The following ZZEF1 variants were observed in gnomAD, a reference collection of about 807,000 sequenced individuals.
ZZEF1 encodes the protein zinc finger ZZ-type and EF-hand domain containing 1, also known as zinc finger ZZ-type and EF-hand domain-containing protein 1.
ZZEF1 carries 157 observed loss-of-function variants against 342.8 expected under a neutral mutation model. The ratio of observed to expected loss-of-function variants is 0.46; its 90% CI spans 0.40 to 0.52. The LOEUF (loss-of-function observed/expected upper bound fraction) is 0.52, where lower values mean the gene tolerates loss of function less well. ZZEF1 is among the 20% of genes least tolerant of loss of function. ZZEF1 has a pLI of 0.00. For missense variants in ZZEF1, 3,480 were observed against 3,725.6 expected (o/e 0.93, Z 1.72); for synonymous variants, 1,505 against 1,429.1 (o/e 1.05, Z -1.20).
chr17:4,056,263 C>A lies in ZZEF1; in HGVS notation c.5248G>T (p.Ala1750Ser). 6.3e-7 allele frequency: 1 copy of A among 1,594,680 alleles called. No individual in the cohort carries two copies. Among genetic ancestry groups the A allele is most frequent in the South Asian group, 1.2e-5 (1 of 86,280 alleles). Residue 1750 changes from alanine (A) to serine (S), a missense_variant, in exon 33 of 55, where the codon GCC becomes TCC. Around this residue, in one of 5 missense-constraint regions of ZZEF1, gnomAD observed 175 missense variants for 254.6 expected, o/e 0.69. Transcript: ENST00000381638. ...MDECQDGMFE[A>S]WYEKIAQEDP... ...TCCTGGGCTATTTTTTCATACCAGG[C>A]CTCAAACATGCCATCCTGACACTCA...
intron 52 of ZZEF1, among the ~76,000 whole-genome samples, chr17:4,010,881 C>T (rs1441904860): frequency 6.6e-6 from 1 of 152,026 alleles, no homozygotes; most frequent in Non-Finnish European, 1.5e-5. Flanking sequence ...GCAGTTGACC[C>T]TATCAGCTTT....
intron 46 of ZZEF1, among the ~76,000 whole-genome samples, chr17:4,019,149 C>T (rs2056196833): frequency 6.6e-6 from 1 of 151,798 alleles, no homozygotes; most frequent in African/African-American, 2.4e-5. Context: ...ACACGAAACA[C>T]AAAATAAAAG....
intron 19 of ZZEF1, 63 bp downstream of exon 19, chr17:4,077,820 G>C (rs1567820580): frequency 2.2e-5 from 34 of 1,560,330 alleles, no homozygotes; most frequent in Non-Finnish European, 2.1e-5. Context: ...TACTAAAGAA[G>C]AGAACACTCA....
intron 28 of ZZEF1, among the ~76,000 whole-genome samples, chr17:4,065,375 C>T (rs931778456): frequency 1.3e-5 from 2 of 148,574 alleles, no homozygotes; most frequent in South Asian, 2.1e-4. Flanking sequence ...CCAGCTTGGG[C>T]GAAAGAGTGA....
chr17:4,139,622 T>A (rs752765971), intron 1 of ZZEF1, among the ~76,000 whole-genome samples: 1 of 152,252 alleles, frequency 6.6e-6, no homozygotes, highest in Non-Finnish European at 1.5e-5. Flanking sequence ...ATCAAATGCA[T>A]GGCTAAATCT....
Position 4,095,956 on chromosome 17 carries a change from G to C in ZZEF1, c.1788C>G (p.Ala596=). The part of the protein sequence containing the change: ...RIMVRRGGIG[A]QCGLVFAYNS... The stretch of plus-strand genomic sequence containing the variant: ...TATAGGCAAACACCAACCCACACTG[G>C]GCACCAATGCCACCACGTCGAACCT... The change falls in exon 11 of 55, where the codon GCC becomes GCG. Residue 596 remains alanine, a synonymous_variant. Coordinates refer to ENST00000381638, the MANE Select transcript of ZZEF1 (RefSeq NM_015113.4). 1 of 1,610,638 alleles carries C rather than the reference G, an allele frequency of 6.2e-7. No individual in the cohort carries two copies. The highest frequency in any genetic ancestry group is 8.5e-7 in the Non-Finnish European group (1 of 1,177,872).
chr17:4,098,955 G>A lies in ZZEF1; in HGVS notation c.1673-2255C>T, dbSNP rs550004985. Among the ~76,000 whole-genome samples, 77 of 152,288 alleles carry A rather than the reference G, an allele frequency of 5.1e-4. 1 individual carries two copies. The highest frequency in any genetic ancestry group is 1.7e-3 in the African/African-American group (71 of 41,568). ...CTTACCTTTTCCCAGAGCCCTGGAT[G>A]TCTCTATGTAAAAGAAATCTATGTA... is the stretch of plus-strand genomic sequence containing the variant. On this transcript the variant is annotated intron_variant, in intron 9 of 54. Transcript: ENST00000381638.
intron 37 of ZZEF1, among the ~76,000 whole-genome samples, chr17:4,049,035 T>C (rs2056989162): frequency 6.6e-6 from 1 of 151,612 alleles, no homozygotes; most frequent in African/African-American, 2.4e-5. Flanking sequence ...AGGTGCACAA[T>C]CTTGTTTAAT....
chr17:4,105,763 T>C lies in ZZEF1; in HGVS notation c.1324A>G (p.Thr442Ala), dbSNP rs187651027. ...GGGGAGAGGAAAGTTGAGAAATCTG[T>C]AGATCCTGGTGAGAGAGAGAGTGGA... is the stretch of plus-strand genomic sequence containing the variant. Reference protein sequence around the residue: ...MPPLSLSPGSTDFSTFLSPNV... With the variant: ...MPPLSLSPGSADFSTFLSPNV... Residue 442 changes from threonine (T) to alanine (A), a missense_variant, in exon 7 of 55, where the codon ACA (threonine) becomes GCA (alanine). Around this residue, in one of 5 missense-constraint regions of ZZEF1, gnomAD observed 1,528 missense variants for 1,624.1 expected, o/e 0.94. Transcript: ENST00000381638. The C allele has an allele frequency of 4.6e-5, 74 of 1,613,472 alleles. No homozygotes were observed. The East Asian group carries it at 1.6e-3, about 34-fold the overall frequency.
At chr17:4,034,357 A>G (rs1201201482) in intron 39 of ZZEF1, 65 bp from the exon 40 acceptor site, 9 of 1,552,932 alleles carry the variant, frequency 5.8e-6, no homozygotes, top group African/African-American at 2.7e-5. Context: ...GCTAAATATT[A>G]TATCTCCCTC....
At chr17:4,091,981 C>T (rs541914948) in intron 11 of ZZEF1, among the ~76,000 whole-genome samples, 73 of 151,242 alleles carry the variant, frequency 4.8e-4, no homozygotes, top group South Asian at 1.5e-3. Context: ...GAGGCTCAGG[C>T]AGGGGAATTG....
chr17:4,018,650 C>T (rs1053179916), intron 46 of ZZEF1, among the ~76,000 whole-genome samples: 2 of 152,122 alleles, frequency 1.3e-5, no homozygotes, highest in Non-Finnish European at 2.9e-5. Context: ...AACAGGTGGA[C>T]GACTCTGGCC....
At chr17:4,011,895 T>C (rs890776599) in intron 52 of ZZEF1, among the ~76,000 whole-genome samples, 6 of 152,022 alleles carry the variant, frequency 3.9e-5, no homozygotes, top group Admixed American at 3.3e-4. Flanking sequence ...GCTGAGAAGG[T>C]CCCTCCCCTG....
intron 42 of ZZEF1, among the ~76,000 whole-genome samples, chr17:4,028,149 T>C (rs907822271): frequency 6.6e-6 from 1 of 152,208 alleles, no homozygotes; most frequent in African/African-American, 2.4e-5. Flanking sequence ...ATTTCACATA[T>C]AGTGTCAGAA....
intron 37 of ZZEF1, among the ~76,000 whole-genome samples, chr17:4,046,879 C>T (rs141220792): frequency 1.6e-4 from 24 of 152,202 alleles, no homozygotes; most frequent in South Asian, 1.0e-3. Flanking sequence ...AGTCATTGGA[C>T]GGAGAAAAGG....
At chr17:4,132,864 A>G (rs112549919) in intron 1 of ZZEF1, among the ~76,000 whole-genome samples, 154 of 150,378 alleles carry the variant, frequency 1.0e-3, no homozygotes, top group Middle Eastern at 3.4e-3. Context: ...TACTCGGGAG[A>G]CTGAGGCAGG....
At chr17:4,068,699 A>G (rs2057451302) in intron 26 of ZZEF1, among the ~76,000 whole-genome samples, 1 of 152,124 alleles carries the variant, frequency 6.6e-6, no homozygotes, top group Non-Finnish European at 1.5e-5. Flanking sequence ...CATCTATGTT[A>G]CAATGCAGTA....
rs778606049 is a variant in ZZEF1 at position 4,006,930 on chromosome 17, T to C, written c.8846A>G (p.Tyr2949Cys). The change falls in exon 55 of 55, where the codon TAC becomes TGC. Residue 2949 changes from tyrosine (Y) to cysteine (C), a missense_variant. Physicochemically the swap from Tyr to Cys is radical, Grantham distance 194. Around this residue, in one of 5 missense-constraint regions of ZZEF1, gnomAD observed 1,269 missense variants for 1,342.4 expected, o/e 0.95. Coordinates refer to ENST00000381638, the MANE Select transcript of ZZEF1 (RefSeq NM_015113.4). Reference protein sequence around the residue: ...NIAAISLAINYPNKATRLWNV... With the variant: ...NIAAISLAINCPNKATRLWNV... ...CCAGAGGCGGGTGGCCTTGTTTGGG[T>C]AGTTGATGGCCAGGCTGATGGCAGC... 4 of 1,573,140 alleles carry C rather than the reference T, an allele frequency of 2.5e-6. No individual in the cohort carries two copies. Among genetic ancestry groups the C allele is most frequent in the Non-Finnish European group, 3.5e-6 (4 of 1,157,948 alleles).
At chr17:4,104,000 G>C (rs773109006) in intron 8 of ZZEF1, among the ~76,000 whole-genome samples, 1 of 152,172 alleles carries the variant, frequency 6.6e-6, no homozygotes, top group African/African-American at 2.4e-5. Flanking sequence ...GTGGAGTCCA[G>C]GAAGGCTGCA....
Sources: allele counts gnomAD v4.1 joint callset (sites outside exome capture counted in the v4.1 genomes callset), GRCh38; gene constraint gnomAD v4.1.1; regional missense constraint gnomAD v4.1.1; transcripts MANE v1.5; gene names NCBI Gene and HGNC (gene_info 2026-07-23, HGNC 2026-07-21).